The following CEP70 variants were observed in gnomAD, a reference collection of about 807,000 sequenced individuals.
CEP70 encodes the protein centrosomal protein of 70 kDa.
In CEP70, 70 loss-of-function variants were observed where a neutral mutation model predicts 90.9. That is an observed-to-expected ratio of 0.77 (90% CI 0.64 to 0.94). The LOEUF is 0.94. Among genes scored for constraint, CEP70 ranks in the 40% least tolerant of loss-of-function variants. The pLI is 0.00. For synonymous variants in CEP70, 220 were observed against 228.3 expected (o/e 0.96, Z 0.33); for missense variants, 648 against 669.0 (o/e 0.97, Z 0.35).
In CEP70 at chr3:138,508,442, A is replaced by G. The variant is rs781430562; in HGVS notation, c.1047T>C (p.Phe349=). 6 of 1,590,754 alleles carry G rather than the reference A, an allele frequency of 3.8e-6. No homozygotes were observed. The highest frequency in any genetic ancestry group is 5.2e-6 in the Non-Finnish European group (6 of 1,158,916). The change falls in exon 12 of 18, where the codon TTT becomes TTC. Residue 349 remains phenylalanine (F), a synonymous_variant. Coordinates refer to ENST00000264982, the MANE Select transcript of CEP70 (RefSeq NM_024491.4). ...TCATGAAAAATCAATTCAATACCTG[A>G]AAGTATCTCTGGTCAATTAGGGCCT... The part of the protein sequence containing the change: ...QQQALIDQRY[F]QVLCSINSII...
intron 8 of CEP70, chr3:138,531,567 G>A (rs1225435312): frequency 1.3e-5 from 2 of 152,118 alleles, no homozygotes; most frequent in East Asian, 1.9e-4. Context: ...CCATCTAAAC[G>A]ACAGTTTCAT....
At chr3:138,504,035 G>C (rs948703818) in intron 13 of CEP70, among the ~76,000 whole-genome samples, 11 of 152,022 alleles carry the variant, frequency 7.2e-5, no homozygotes, top group Non-Finnish European at 1.3e-4. Flanking sequence ...TCCTCTTCTA[G>C]TCTTTTCTTC....
chr3:138,534,751 T>C (rs532431445), intron 7 of CEP70, among the ~76,000 whole-genome samples: 52 of 152,336 alleles, frequency 3.4e-4, no homozygotes, highest in Non-Finnish European at 6.5e-4. Context: ...AGGCCTGATA[T>C]GTCTACTTGG....
chr3:138,560,142 G>A (rs1258127327), intron 6 of CEP70, among the ~76,000 whole-genome samples: 2 of 152,184 alleles, frequency 1.3e-5, no homozygotes, highest in African/African-American at 2.4e-5. Context: ...GGTGATTTCT[G>A]CGTTTCCAAC....
intron 11 of CEP70, among the ~76,000 whole-genome samples, chr3:138,517,847 G>A (rs1413359922): frequency 1.3e-5 from 2 of 152,184 alleles, no homozygotes; most frequent in Non-Finnish European, 2.9e-5. Context: ...AGGACAGTGG[G>A]TGCAGCGCAC....
intron 6 of CEP70, among the ~76,000 whole-genome samples, chr3:138,538,618 A>G (rs948519309): frequency 3.3e-5 from 5 of 152,274 alleles, no homozygotes; most frequent in Non-Finnish European, 5.9e-5. Context: ...TATGTCCACA[A>G]GAAACAACAG....
rs114881682 is a variant in CEP70 at position 138,582,132 on chromosome 3, C to T, written c.-5-9200G>A. Among the ~76,000 whole-genome samples the T allele has an allele frequency of 7.0e-3, 1,067 of 152,170 alleles. 15 individuals are homozygous for T. Among genetic ancestry groups the T allele is most frequent in the African/African-American group, 0.024 (987 of 41,496 alleles). On this transcript the variant is annotated intron_variant, in intron 2 of 17. Coordinates refer to ENST00000264982, the MANE Select transcript of CEP70 (RefSeq NM_024491.4). ...GTTTTTTTAATCTGAAAGAAAACGA[C>T]GTTAATGAGCAGAAATTATTTGAAG...
At chr3:138,506,409 T>G (rs903936013) in intron 12 of CEP70, among the ~76,000 whole-genome samples, 1 of 152,202 alleles carries the variant, frequency 6.6e-6, no homozygotes, top group Non-Finnish European at 1.5e-5. Flanking sequence ...TAGTATACTA[T>G]TTGACTATAA....
At chr3:138,570,720 C>G (rs1255413941) in intron 5 of CEP70, among the ~76,000 whole-genome samples, 1 of 152,076 alleles carries the variant, frequency 6.6e-6, no homozygotes, top group Non-Finnish European at 1.5e-5. Flanking sequence ...ATCCAAAATC[C>G]AAAATGCTCC....
At chr3:138,541,770 C>G (rs1036770704) in intron 6 of CEP70, among the ~76,000 whole-genome samples, 8 of 152,124 alleles carry the variant, frequency 5.3e-5, no homozygotes, top group Non-Finnish European at 8.8e-5. Flanking sequence ...GCCTATAATC[C>G]CAGCACTTTG....
intron 11 of CEP70, among the ~76,000 whole-genome samples, chr3:138,523,661 T>A (rs1407969085): frequency 6.6e-6 from 1 of 152,048 alleles, no homozygotes; most frequent in Non-Finnish European, 1.5e-5. Context: ...GGAATCCCAC[T>A]TACAAGGAAC....
At chr3:138,499,122 C>T (rs549089751) in intron 16 of CEP70, among the ~76,000 whole-genome samples, 5 of 152,064 alleles carry the variant, frequency 3.3e-5, no homozygotes, top group African/African-American at 1.2e-4. Flanking sequence ...AGGCCAATAG[C>T]AAGATATATG....
chr3:138,521,651 C>T (rs1254644520), intron 11 of CEP70, among the ~76,000 whole-genome samples: 4 of 149,806 alleles, frequency 2.7e-5, no homozygotes, highest in Admixed American at 6.6e-5. Flanking sequence ...TGCCCGGCCG[C>T]GACCCCGTCT....
chr3:138,497,835 G>A, intron 17 of CEP70, 196 bp downstream of exon 17: 3 of 985,426 alleles, frequency 3.0e-6, no homozygotes, highest in Non-Finnish European at 3.6e-6. Context: ...TCCTATTGCT[G>A]TTAAGGGTCT....
At chr3:138,593,846 G>A (rs1417754037) in intron 1 of CEP70, 2 of 152,106 alleles carry the variant, frequency 1.3e-5, no homozygotes, top group Non-Finnish European at 2.9e-5. Context: ...AGCTTAAATC[G>A]AGTCTGTGCC....
rs1283213997 is a variant in CEP70, at chr3:138,500,100, A to T, written c.1652+10T>A. Reference sequence around the variant, plus strand: ...CTGGATGATACTTTGTAAACTTTTAAAACAAATACCTCTGGAGGTCTTCAG... The same window carrying T: ...CTGGATGATACTTTGTAAACTTTTATAACAAATACCTCTGGAGGTCTTCAG... On this transcript the variant is annotated intron_variant, in intron 16 of 17. Coordinates refer to ENST00000264982, the MANE Select transcript of CEP70 (RefSeq NM_024491.4). The T allele has an allele frequency of 6.4e-7, 1 of 1,573,778 alleles. No homozygotes were observed.
At chr3:138,522,477 C>T (rs2036766066) in intron 11 of CEP70, among the ~76,000 whole-genome samples, 1 of 151,812 alleles carries the variant, frequency 6.6e-6, no homozygotes, top group South Asian at 2.1e-4. Context: ...AGACCACTAG[C>T]AAGACTAATA....
intron 3 of CEP70, 151 bp downstream of exon 3, chr3:138,572,708 G>GAGT: frequency 1.5e-6 from 1 of 663,526 alleles, no homozygotes; most frequent in Non-Finnish European, 2.7e-6. Flanking sequence ...TGAAGTCTTA[G>GAGT]AGTAATTAAA....
Position 138,500,138 on chromosome 3 carries a change from G to A in CEP70, c.1624C>T (p.Gln542Ter), listed in dbSNP as rs749552523. Reference protein sequence around the residue: ...INEDVNEQVMQVLGPEDLQSI... With the variant: ...INEDVNEQVM ...TGGAGGTCTTCAGGTCCTAATACCT[G>A]CATAACCTGCTCATTCACATCTTCA... The change falls in exon 16 of 18, where the codon CAG becomes TAG. Residue 542 changes from glutamine to a stop codon, truncating the protein, a stop_gained. Transcript: ENST00000264982. LOFTEE classifies it high-confidence loss of function. 6.2e-7 allele frequency: 1 copy of A among 1,612,660 alleles called. No individual in the cohort carries two copies. Among genetic ancestry groups the A allele is most frequent in the East Asian group, 2.2e-5 (1 of 44,854 alleles).
Sources: allele counts gnomAD v4.1 joint callset (sites outside exome capture counted in the v4.1 genomes callset), GRCh38; gene constraint gnomAD v4.1.1; transcripts MANE v1.5; gene names NCBI Gene and HGNC (gene_info 2026-07-23, HGNC 2026-07-21).